CXCL2: variants seen among roughly 807,000 people sequenced by gnomAD.
The protein encoded by CXCL2 is C-X-C motif chemokine ligand 2.
A neutral mutation model predicts 11.2 loss-of-function variants in CXCL2; 12 were observed. The ratio of observed to expected loss-of-function variants is 1.08; its 90% CI spans 0.69 to 1.74. The LOEUF (loss-of-function observed/expected upper bound fraction) is 1.74, where lower values mean the gene tolerates loss of function less well. Among genes scored for constraint, CXCL2 ranks in the 40% most tolerant of loss-of-function variants. The pLI is 0.00. For missense variants in CXCL2, 120 were observed against 137.8 expected, an observed-to-expected ratio of 0.87 and a Z score of 0.65; for synonymous variants, 68 against 61.9, an observed-to-expected ratio of 1.10 and a Z score of -0.47.
intron 3 of CXCL2, 179 bp downstream of exon 3, chr4:74,098,422 T>C (rs1463148922): frequency 1.5e-6 from 1 of 656,860 alleles, no homozygotes; most frequent in Non-Finnish European, 2.5e-6. Flanking sequence ...CCCTGGGCAC[T>C]GGGAATATCC....
intron 3 of CXCL2, among the ~76,000 whole-genome samples, chr4:74,098,261 G>A (rs1470019618): frequency 6.6e-6 from 1 of 152,152 alleles, no homozygotes; most frequent in Non-Finnish European, 1.5e-5. Context: ...TGCTTTTCAG[G>A]TCTGAAAGTC....
At chr4:74,097,802 G>A in intron 3 of CXCL2, 31 bp from the exon 4 acceptor site, 1 of 1,582,486 alleles carries the variant, frequency 6.3e-7, no homozygotes, top group Non-Finnish European at 8.6e-7. Context: ...CCCTGAGTAG[G>A]TGCTCAGGAA....
chr4:74,098,953 G>A (rs1293849834), intron 1 of CXCL2, 31 bp from the exon 2 acceptor site: 3 of 1,599,856 alleles, frequency 1.9e-6, no homozygotes, highest in East Asian at 2.3e-5. Flanking sequence ...TGATTGAGCG[G>A]GGCTGTCGGC....
At position 74,098,940 on chromosome 4, in the gene CXCL2, C is replaced by T. The variant is rs1011969879; in HGVS notation, c.101-18G>A. 8 of 1,609,342 alleles carry T rather than the reference C, an allele frequency of 5.0e-6. No individual in the cohort carries two copies. The highest frequency in any genetic ancestry group is 1.7e-5 in the Admixed American group (1 of 59,260). On this transcript the variant is annotated intron_variant, in intron 1 of 3. Coordinates refer to ENST00000508487, the MANE Select transcript of CXCL2 (RefSeq NM_002089.4). ...GGGCGCTCCTAGGGAAGAAGAGACT[C>T]GCTGATTGAGCGGGGCTGTCGGCGC...
At position 74,099,156 on chromosome 4, in the gene CXCL2, A is replaced by G; in HGVS notation, c.-36T>C. 6.8e-7 allele frequency: 1 copy of G among 1,460,220 alleles called. No homozygotes were observed. The allele number at this position is 1,460,220 out of a possible 1,614,324, so 90.5% of individuals were successfully genotyped here. On this transcript the variant is annotated 5_prime_UTR_variant, in exon 1 of 4. Coordinates refer to ENST00000508487, the MANE Select transcript of CXCL2 (RefSeq NM_002089.4). Reference sequence around the variant, plus strand: ...AGGCGGTTCGAGCGGCTGTGCGAGGAGGAGAGCTGGCAAGGAGCTGCCTGT... The same window carrying G: ...AGGCGGTTCGAGCGGCTGTGCGAGGGGGAGAGCTGGCAAGGAGCTGCCTGT...
In CXCL2 at chr4:74,099,111, C is replaced by G; in HGVS notation, c.10G>C (p.Ala4Pro). Residue 4 changes from alanine (A) to proline (P), a missense_variant, in exon 1 of 4, where the codon GCC becomes CCC. Transcript: ENST00000508487. MAR[A>P]TLSAAPSNPR... The stretch of plus-strand genomic sequence containing the variant: ...TTGCTGGGGGCGGCGGAGAGCGTGG[C>G]GCGGGCCATGGGGCTCAGCAGGCGG... The G allele has an allele frequency of 1.3e-6, 2 of 1,495,070 alleles. No homozygotes were observed. Among genetic ancestry groups the G allele is most frequent in the Non-Finnish European group, 1.8e-6 (2 of 1,124,302 alleles). The allele number at this position is 1,495,070 out of a possible 1,614,324, so 92.6% of individuals were successfully genotyped here.
At position 74,097,735 on chromosome 4, in the gene CXCL2, A is replaced by T; in HGVS notation, c.*21T>A. Reference sequence around the variant, plus strand: ...GCCTCCTTCAGGAACAGCCACCAATAAGCTTCCTCCTTCCTTCTGGTCAGT... The same window carrying T: ...GCCTCCTTCAGGAACAGCCACCAATTAGCTTCCTCCTTCCTTCTGGTCAGT... On this transcript the variant is annotated 3_prime_UTR_variant, in exon 4 of 4. Transcript: ENST00000508487. 3.8e-6 allele frequency: 6 copies of T among 1,598,418 alleles called. No individual in the cohort carries two copies. Among genetic ancestry groups the T allele is most frequent in the Non-Finnish European group, 3.4e-6 (4 of 1,171,032 alleles).
rs527700880 is a variant in CXCL2, at chr4:74,098,537, G to A, written c.308+64C>T. ...GGTTTTCCTGATTTACTTTTTAGGG[G>A]GCAGACGCCAGTATTTCTGACCAAC... is the stretch of plus-strand genomic sequence containing the variant. On this transcript the variant is annotated intron_variant, in intron 3 of 3. Coordinates refer to ENST00000508487, the MANE Select transcript of CXCL2 (RefSeq NM_002089.4). 7.7e-5 allele frequency: 118 copies of A among 1,531,332 alleles called. No individual in the cohort carries two copies. The African/African-American group carries it at 1.5e-3, about 20-fold the overall frequency. The allele number at this position is 1,531,332 out of a possible 1,614,324, so 94.9% of individuals were successfully genotyped here.
chr4:74,097,821 G>T, intron 3 of CXCL2, 50 bp from the exon 4 acceptor site: 1 of 1,549,294 alleles, frequency 6.5e-7, no homozygotes, highest in Non-Finnish European at 8.7e-7. Flanking sequence ...AAAGCTGACT[G>T]CACAACAGTC....
At chr4:74,098,134 A>C (rs758993107) in intron 3 of CXCL2, among the ~76,000 whole-genome samples, 2 of 152,228 alleles carry the variant, frequency 1.3e-5, no homozygotes, top group African/African-American at 2.4e-5. Flanking sequence ...AAACTAAATA[A>C]TATTGTCTCT....
In CXCL2 at chr4:74,098,638, G is replaced by A. The variant is rs762044384; in HGVS notation, c.271C>T (p.Pro91Ser). The change falls in exon 3 of 4, where the codon CCC becomes TCC. Residue 91 changes from proline (P) to serine (S), a missense_variant. Coordinates refer to ENST00000508487, the MANE Select transcript of CXCL2 (RefSeq NM_002089.4). ...TTTTCGATGATTTTCTTAACCATGG[G>A]CGATGCGGGGTTGAGACAAGCTTTC... The part of the protein sequence containing the change: ...GQKACLNPAS[P>S]MVKKIIEKML... 6.2e-7 allele frequency: 1 copy of A among 1,614,002 alleles called. No individual in the cohort carries two copies. The highest frequency in any genetic ancestry group is 8.5e-7 in the Non-Finnish European group (1 of 1,180,024).
At position 74,097,376 on chromosome 4, in the gene CXCL2, G is replaced by C. The variant is rs1490883209; in HGVS notation, c.*380C>G. ...TTCCTCAGCCTCTATCACAGTGGCT[G>C]ACATGTGATATGTCATCACGAAGAA... On this transcript the variant is annotated 3_prime_UTR_variant, in exon 4 of 4. Coordinates refer to ENST00000508487, the MANE Select transcript of CXCL2 (RefSeq NM_002089.4). The C allele has an allele frequency of 6.5e-6, 1 of 153,722 alleles. No homozygotes were observed. Among genetic ancestry groups the C allele is most frequent in the Admixed American group, 6.5e-5 (1 of 15,318 alleles). The allele number at this position is 153,722 out of a possible 1,614,324, so 9.5% of individuals were successfully genotyped here.
rs188944956 is a variant in CXCL2 at position 74,098,726 on chromosome 4, G to C, written c.225-42C>G. The C allele has an allele frequency of 3.1e-6, 5 of 1,613,892 alleles. No homozygotes were observed. In the African/African-American group the frequency reaches 6.7e-5, roughly 22 times the overall value. On this transcript the variant is annotated intron_variant, in intron 2 of 3. Transcript: ENST00000508487. ...ATCTCGTGAGACAGGAGGTCGGGCT[G>C]AGGACAGGGTTTGGGGCAGCGGGAG...
rs954626067 is a variant in CXCL2 at position 74,097,181 on chromosome 4, A to G, written c.*575T>C. Reference sequence around the variant, plus strand: ...CTTACAAGAAAGACATAAAATGTCCAAGGGATATTTAGAACATTTTAGTTC... The same window carrying G: ...CTTACAAGAAAGACATAAAATGTCCGAGGGATATTTAGAACATTTTAGTTC... On this transcript the variant is annotated 3_prime_UTR_variant, in exon 4 of 4. Coordinates refer to ENST00000508487, the MANE Select transcript of CXCL2 (RefSeq NM_002089.4). 1 of 152,264 alleles carries G rather than the reference A, an allele frequency of 6.6e-6. No homozygotes were observed. Among genetic ancestry groups the G allele is most frequent in the Non-Finnish European group, 1.5e-5 (1 of 68,052 alleles). The allele number at this position is 152,264 out of a possible 1,614,324, so 9.4% of individuals were successfully genotyped here.
intron 3 of CXCL2, chr4:74,098,390 G>A: frequency 1.9e-6 from 1 of 526,800 alleles, no homozygotes; most frequent in Non-Finnish European, 3.3e-6. Context: ...TCACTGGCAG[G>A]AGGGAAGAAC....
chr4:74,097,978 G>A (rs1721317408), intron 3 of CXCL2, among the ~76,000 whole-genome samples: 1 of 152,194 alleles, frequency 6.6e-6, no homozygotes, highest in African/African-American at 2.4e-5. Context: ...GGGGTGACGT[G>A]GGGTGGAGGA....
In CXCL2 at chr4:74,098,865, T is replaced by C. The variant is rs199906828; in HGVS notation, c.158A>G (p.His53Arg). Residue 53 changes from histidine to arginine, a missense_variant, in exon 2 of 4, where the codon CAC becomes CGC. His to Arg is a conservative substitution (Grantham distance 29). Transcript: ENST00000508487. ...CTTCACACTTTGGATGTTCTTGAGG[T>C]GAATTCCCTGCAGGGTCTGCAAGCA... ...CQCLQTLQGI[H>R]LKNIQSVKVK... 66 of 1,614,108 alleles carry C rather than the reference T, an allele frequency of 4.1e-5. No homozygotes were observed. The highest frequency in any genetic ancestry group is 5.3e-5 in the Non-Finnish European group (63 of 1,180,004).
rs748528541 is a variant in CXCL2 at position 74,099,151 on chromosome 4, CGAG to C, written c.-34_-32del. The C allele has an allele frequency of 3.4e-6, 5 of 1,465,132 alleles. No individual in the cohort carries two copies. Among genetic ancestry groups the C allele is most frequent in the Admixed American group, 4.9e-5 (2 of 40,406 alleles). The allele number at this position is 1,465,132 out of a possible 1,614,324, so 90.8% of individuals were successfully genotyped here. ...TCAGCAGGCGGTTCGAGCGGCTGTG[CGAG>C]GAGGAGAGCTGGCAAGGAGCTGCCT... On this transcript the variant is annotated 5_prime_UTR_variant, in exon 1 of 4. Coordinates refer to ENST00000508487, the MANE Select transcript of CXCL2 (RefSeq NM_002089.4).
chr4:74,097,091 C>A lies in CXCL2; in HGVS notation c.*665G>T, dbSNP rs1266464689. 6.6e-6 allele frequency: 1 copy of A among 152,100 alleles called. No homozygotes were observed. The highest frequency in any genetic ancestry group is 2.4e-5 in the African/African-American group (1 of 41,414). The allele number at this position is 152,100 out of a possible 1,614,324, so 9.4% of individuals were successfully genotyped here. A position where few individuals can be genotyped will look rare whatever the true frequency, so the allele number is the denominator to read the frequency against. On this transcript the variant is annotated 3_prime_UTR_variant, in exon 4 of 4. Transcript: ENST00000508487. ...TCTTTGTGAAAACATCAATAAATAT[C>A]GAAACCTCTCTGCTCTAACACAGAG...
Sources: gnomAD v4.1 joint callset for allele counts (sites outside exome capture counted in the v4.1 genomes callset) on GRCh38, gnomAD v4.1.1 for gene constraint, MANE v1.5 for transcripts, NCBI Gene and HGNC (gene_info 2026-07-23, HGNC 2026-07-21) for gene names.